The following IFTAP variants were observed in gnomAD, a reference collection of about 807,000 sequenced individuals.
IFTAP encodes intraflagellar transport associated protein, also known as intraflagellar transport-associated protein.
A neutral mutation model predicts 19.4 loss-of-function variants in IFTAP; 19 were observed. The ratio of observed to expected loss-of-function variants is 0.98; its 90% CI spans 0.68 to 1.44. The LOEUF (loss-of-function observed/expected upper bound fraction) is 1.44. IFTAP is among the 40% of genes most tolerant of loss of function. The pLI is 0.00. For synonymous variants in IFTAP, 85 were observed against 83.5 expected, an observed-to-expected ratio of 1.02 and a Z score of -0.10; for missense variants, 240 against 253.6, an observed-to-expected ratio of 0.95 and a Z score of 0.36.
At chr11:36,600,262 C>T (rs554794367) in intron 1 of IFTAP, among the ~76,000 whole-genome samples, 5 of 152,344 alleles carry the variant, frequency 3.3e-5, no homozygotes, top group African/African-American at 1.2e-4. Flanking sequence ...AGACACAGGT[C>T]TTGCCCTTAA....
intron 1 of IFTAP, among the ~76,000 whole-genome samples, chr11:36,596,643 C>A (rs1851272602): frequency 6.6e-6 from 1 of 152,154 alleles, no homozygotes; most frequent in South Asian, 2.1e-4. Context: ...AGAGAGTTGT[C>A]CCATTTTGGG....
intron 4 of IFTAP, among the ~76,000 whole-genome samples, chr11:36,644,700 G>A (rs991528721): frequency 8.5e-5 from 13 of 152,060 alleles, no homozygotes; most frequent in African/African-American, 2.9e-4. Context: ...TCCTTTGCAG[G>A]GACATGGATG....
intron 1 of IFTAP, among the ~76,000 whole-genome samples, chr11:36,600,434 G>T (rs1851463800): frequency 6.6e-6 from 1 of 152,202 alleles, no homozygotes; most frequent in Non-Finnish European, 1.5e-5. Context: ...ATTGGAGTGT[G>T]AACCCTGTTG....
At chr11:36,617,457 T>C (rs1852135872) in intron 2 of IFTAP, among the ~76,000 whole-genome samples, 1 of 151,816 alleles carries the variant, frequency 6.6e-6, no homozygotes, top group African/African-American at 2.4e-5. Flanking sequence ...TTTTGGCTTA[T>C]TAAATGAAAC....
intron 2 of IFTAP, among the ~76,000 whole-genome samples, chr11:36,614,746 G>A (rs1194787978): frequency 1.7e-4 from 25 of 148,690 alleles, no homozygotes; most frequent in Non-Finnish European, 2.4e-4. Flanking sequence ...CATGTCCTTC[G>A]CCCACTTTTT....
At chr11:36,606,441 C>A (rs1346380605) in intron 1 of IFTAP, among the ~76,000 whole-genome samples, 1 of 151,788 alleles carries the variant, frequency 6.6e-6, no homozygotes, top group African/African-American at 2.4e-5. Flanking sequence ...TACTCTGTCT[C>A]TAAATAAATA....
intron 1 of IFTAP, among the ~76,000 whole-genome samples, chr11:36,604,746 C>T (rs1364921477): frequency 6.6e-6 from 1 of 152,016 alleles, no homozygotes; most frequent in Admixed American, 6.6e-5. Context: ...GAGAGAACCA[C>T]CCATTACTGC....
At chr11:36,598,861 G>A (rs1851395749) in intron 1 of IFTAP, among the ~76,000 whole-genome samples, 1 of 152,076 alleles carries the variant, frequency 6.6e-6, no homozygotes, top group South Asian at 2.1e-4. Context: ...TCTGAAATGA[G>A]GATAATAGAA....
chr11:36,639,193 T>A (rs1304422890), intron 4 of IFTAP, among the ~76,000 whole-genome samples: 1 of 152,174 alleles, frequency 6.6e-6, no homozygotes, highest in East Asian at 1.9e-4. Flanking sequence ...TTTATTTTTA[T>A]GCTTCCTCGG....
At chr11:36,598,698 G>A (rs1565001250) in intron 1 of IFTAP, among the ~76,000 whole-genome samples, 1 of 152,192 alleles carries the variant, frequency 6.6e-6, no homozygotes, top group Non-Finnish European at 1.5e-5. Context: ...TAATAATACA[G>A]TGTAATGATT....
In IFTAP at chr11:36,647,998, A is replaced by G. The variant is rs987316148; in HGVS notation, c.359-18A>G. 2 of 1,607,314 alleles carry G rather than the reference A, an allele frequency of 1.2e-6. No individual in the cohort carries two copies. Among genetic ancestry groups the G allele is most frequent in the East Asian group, 4.5e-5 (2 of 44,730 alleles). ...GAACTTTGCGAAAGGCTCAGTTGAAATGTTTTGTATCCAACAGATTTGCTG... is the reference window on the plus strand; with the variant it reads ...GAACTTTGCGAAAGGCTCAGTTGAAGTGTTTTGTATCCAACAGATTTGCTG... On this transcript the variant is annotated intron_variant, in intron 4 of 5. Transcript: ENST00000334307.
At chr11:36,642,516 C>A (rs1853263352) in intron 4 of IFTAP, among the ~76,000 whole-genome samples, 1 of 152,168 alleles carries the variant, frequency 6.6e-6, no homozygotes, top group Non-Finnish European at 1.5e-5. Context: ...ATGAGACCAG[C>A]ATGATCCTGA....
At chr11:36,634,215 T>C (rs1169697840) in intron 3 of IFTAP, among the ~76,000 whole-genome samples, 1 of 152,066 alleles carries the variant, frequency 6.6e-6, no homozygotes, top group Non-Finnish European at 1.5e-5. Context: ...ATATAGAGAG[T>C]CTTTAACCAG....
At chr11:36,635,569 T>G (rs1852914358) in intron 3 of IFTAP, among the ~76,000 whole-genome samples, 1 of 152,178 alleles carries the variant, frequency 6.6e-6, no homozygotes, top group Non-Finnish European at 1.5e-5. Context: ...TTGAATGAAC[T>G]TTTCTCTCCT....
At chr11:36,599,344 C>A (rs1159671131) in intron 1 of IFTAP, among the ~76,000 whole-genome samples, 1 of 152,304 alleles carries the variant, frequency 6.6e-6, no homozygotes, top group East Asian at 1.9e-4. Context: ...ATTTACCTAA[C>A]CTTCCACTAT....
At position 36,650,111 on chromosome 11, in the gene IFTAP, C is replaced by A. The variant is rs145618754; in HGVS notation, c.498+1956C>A. Among the ~76,000 whole-genome samples, 4 of 152,252 alleles carry A rather than the reference C, an allele frequency of 2.6e-5. No homozygotes were observed. The East Asian group carries it at 7.7e-4, about 29-fold the overall frequency. ...ATATTCAACCTGTACTGTACCAACA[C>A]TGCCTTGGTTTGATAACATTCATCT... is the stretch of plus-strand genomic sequence containing the variant. On this transcript the variant is annotated intron_variant, in intron 5 of 5. Transcript: ENST00000334307.
Position 36,629,200 on chromosome 11 carries a change from G to GCTCTAGGCAAGGAGTGTA in IFTAP, c.137-4083_137-4066dup, listed in dbSNP as rs373892752. On this transcript the variant is annotated intron_variant, in intron 2 of 5. Transcript: ENST00000334307. ...AAATATTATTGTCCAGAGAAACATT[G>GCTCTAGGCAAGGAGTGTA]CTCTAGGCAAGGAGTGTAATGCAAA... Among the ~76,000 whole-genome samples, 95 of 151,456 alleles carry GCTCTAGGCAAGGAGTGTA rather than the reference G, an allele frequency of 6.3e-4. 6 individuals carry two copies. The highest frequency in any genetic ancestry group is 2.2e-3 in the African/African-American group (89 of 40,748).
intron 1 of IFTAP, among the ~76,000 whole-genome samples, chr11:36,609,527 G>T (rs531044547): frequency 2.5e-4 from 38 of 152,108 alleles, no homozygotes; most frequent in East Asian, 3.9e-4. Flanking sequence ...AGTAGGGAAG[G>T]GGGGGAGTGG....
intron 1 of IFTAP, chr11:36,598,235 G>A (rs1175987647): frequency 6.6e-6 from 1 of 152,008 alleles, no homozygotes; most frequent in Admixed American, 6.6e-5. Context: ...TGTAAAGAGA[G>A]TGTGTATGTG....
Sources: allele counts gnomAD v4.1 joint callset (sites outside exome capture counted in the v4.1 genomes callset), GRCh38; gene constraint gnomAD v4.1.1; transcripts MANE v1.5; gene names NCBI Gene and HGNC (gene_info 2026-07-23, HGNC 2026-07-21).